EPHB1: variants seen among roughly 807,000 people sequenced by gnomAD.
The protein encoded by EPHB1 is EPH receptor B1, also known as ephrin type-B receptor 1.
EPHB1 carries 30 observed loss-of-function variants against 94.4 expected under a neutral mutation model. That is an observed-to-expected ratio of 0.32 (90% confidence interval 0.24 to 0.43). The LOEUF is 0.43. Among genes scored for constraint, EPHB1 ranks in the 20% least tolerant of loss-of-function variants. The probability of loss-of-function intolerance (pLI) is 1.00; values close to 1 mark genes in which losing one functional copy is unlikely to be tolerated. For synonymous variants in EPHB1, 522 were observed against 489.1 expected, an observed-to-expected ratio of 1.07 and a Z score of -0.89; for missense variants, 1,055 against 1,308.3, an observed-to-expected ratio of 0.81 and a Z score of 2.99.
At chr3:134,962,244 C>A (rs1414080830) in intron 3 of EPHB1, among the ~76,000 whole-genome samples, 2 of 152,178 alleles carry the variant, frequency 1.3e-5, no homozygotes, top group Admixed American at 6.5e-5. Context: ...CCATAAACTG[C>A]CCTGTTCAGG....
chr3:135,071,274 G>C (rs1937700246), intron 3 of EPHB1, among the ~76,000 whole-genome samples: 1 of 152,174 alleles, frequency 6.6e-6, no homozygotes, highest in South Asian at 2.1e-4. Context: ...TCTACTCCTG[G>C]GAATATCAGG....
intron 4 of EPHB1, among the ~76,000 whole-genome samples, chr3:135,131,650 T>C (rs1940423005): frequency 1.3e-5 from 2 of 152,196 alleles, no homozygotes; most frequent in African/African-American, 4.8e-5. Context: ...ATGCCCAGCA[T>C]TGTGGCCGTT....
chr3:134,831,202 T>A (rs932093355), intron 1 of EPHB1, among the ~76,000 whole-genome samples: 1 of 152,190 alleles, frequency 6.6e-6, no homozygotes, highest in East Asian at 1.9e-4. Context: ...TTCCCAGATT[T>A]CTGAAAACAC....
intron 1 of EPHB1, among the ~76,000 whole-genome samples, chr3:134,834,610 G>C (rs1319694435): frequency 6.6e-6 from 1 of 152,164 alleles, no homozygotes; most frequent in Non-Finnish European, 1.5e-5. Context: ...TTTATGTTCA[G>C]GACATGGCCC....
chr3:135,166,339 C>A (rs951550431), intron 8 of EPHB1, among the ~76,000 whole-genome samples: 1 of 152,230 alleles, frequency 6.6e-6, no homozygotes, highest in African/African-American at 2.4e-5. Flanking sequence ...CTCTTACACA[C>A]AATGGCTTTT....
chr3:135,071,061 A>G (rs1392256275), intron 3 of EPHB1, among the ~76,000 whole-genome samples: 4 of 152,162 alleles, frequency 2.6e-5, no homozygotes, highest in African/African-American at 9.7e-5. Flanking sequence ...TGAGCAAACT[A>G]TCCTCAAATA....
chr3:134,836,915 C>T (rs1343105310), intron 1 of EPHB1, among the ~76,000 whole-genome samples: 2 of 152,150 alleles, frequency 1.3e-5, no homozygotes, highest in Admixed American at 6.5e-5. Context: ...GTTTTTCTGT[C>T]AATAGAATAG....
intron 3 of EPHB1, among the ~76,000 whole-genome samples, chr3:135,100,045 G>A (rs1938976745): frequency 6.6e-6 from 1 of 152,146 alleles, no homozygotes; most frequent in Non-Finnish European, 1.5e-5. Flanking sequence ...ATATTCATTG[G>A]CATGAACCTT....
intron 9 of EPHB1, 125 bp downstream of exon 9, chr3:135,167,131 A>G (rs1002293730): frequency 5.9e-5 from 66 of 1,116,530 alleles, no homozygotes; most frequent in Non-Finnish European, 8.0e-5. Context: ...CTCAGCCCCC[A>G]GTGCCTTGGC....
chr3:134,891,727 A>G (rs2037987721), intron 1 of EPHB1, among the ~76,000 whole-genome samples: 1 of 152,224 alleles, frequency 6.6e-6, no homozygotes. Flanking sequence ...TACTTAGGAC[A>G]TTTGCATTGA....
In EPHB1 at chr3:135,052,933, A is replaced by G. The variant is rs28627788; in HGVS notation, c.806-53515A>G. Among the ~76,000 whole-genome samples the G allele has an allele frequency of 2.1e-3, 204 of 97,572 alleles. 6 individuals carry two copies. Among genetic ancestry groups the G allele is most frequent in the East Asian group, 0.013 (35 of 2,796 alleles). The allele number at this position is 97,572 out of a possible 152,430, so 64.0% of individuals were successfully genotyped here. A position where few individuals can be genotyped will look rare whatever the true frequency, so the allele number is the denominator to read the frequency against. On this transcript the variant is annotated intron_variant, in intron 3 of 15. Transcript: ENST00000398015. Reference sequence around the variant, plus strand: ...TATGTGTGTGTGTGTGTGTGTGTGTATATATGTGTGTATATATATATATGT... The same window carrying G: ...TATGTGTGTGTGTGTGTGTGTGTGTGTATATGTGTGTATATATATATATGT...
At chr3:134,955,960 T>C (rs539262234) in intron 3 of EPHB1, among the ~76,000 whole-genome samples, 10 of 152,310 alleles carry the variant, frequency 6.6e-5, no homozygotes, top group African/African-American at 2.4e-4. Context: ...GTCTATTCTC[T>C]GTGTAGGTCC....
chr3:135,210,450 G>A (rs772580596), intron 12 of EPHB1, among the ~76,000 whole-genome samples: 5 of 152,162 alleles, frequency 3.3e-5, no homozygotes, highest in East Asian at 1.9e-4. Flanking sequence ...AAAACAGTGC[G>A]TGCAAATGTA....
intron 1 of EPHB1, among the ~76,000 whole-genome samples, chr3:134,812,737 C>G (rs913615796): frequency 6.6e-6 from 1 of 152,166 alleles, no homozygotes; most frequent in Non-Finnish European, 1.5e-5. Flanking sequence ...GTGTATGAGA[C>G]CCCCAGTTGT....
intron 3 of EPHB1, among the ~76,000 whole-genome samples, chr3:135,091,176 G>A (rs971433284): frequency 6.6e-6 from 1 of 152,214 alleles, no homozygotes; most frequent in African/African-American, 2.4e-5. Flanking sequence ...TGTGCAGTGG[G>A]ACCAACTACA....
intron 1 of EPHB1, among the ~76,000 whole-genome samples, chr3:134,838,830 A>G (rs2036725973): frequency 6.6e-6 from 1 of 152,216 alleles, no homozygotes; most frequent in African/African-American, 2.4e-5. Flanking sequence ...AGAAAAGTAA[A>G]TAAAGAGACT....
intron 1 of EPHB1, among the ~76,000 whole-genome samples, chr3:134,863,512 C>G (rs1264030585): frequency 6.6e-6 from 1 of 152,154 alleles, no homozygotes; most frequent in Non-Finnish European, 1.5e-5. Flanking sequence ...CAAATGCCAA[C>G]TGGAACAAAA....
intron 2 of EPHB1, among the ~76,000 whole-genome samples, chr3:134,926,217 A>G (rs2038788478): frequency 6.6e-6 from 1 of 152,218 alleles, no homozygotes; most frequent in Non-Finnish European, 1.5e-5. Context: ...CAGCAAAGGC[A>G]AAGACATGAG....
chr3:134,841,286 C>T (rs560635693), intron 1 of EPHB1, among the ~76,000 whole-genome samples: 1 of 152,112 alleles, frequency 6.6e-6, no homozygotes, highest in Non-Finnish European at 1.5e-5. Context: ...ATGTTCAGAC[C>T]CAGCCAGGAA....
Sources: allele counts gnomAD v4.1 joint callset (sites outside exome capture counted in the v4.1 genomes callset), GRCh38; gene constraint gnomAD v4.1.1; transcripts MANE v1.5; gene names NCBI Gene and HGNC (gene_info 2026-07-23, HGNC 2026-07-21).